DAB1: variants seen among roughly 807,000 people sequenced by gnomAD.
The protein encoded by DAB1 is DAB adaptor protein 1.
In DAB1, 15 loss-of-function variants were observed where a neutral mutation model predicts 64.6. The observed-to-expected ratio is 0.23, with a 90% CI of 0.16 to 0.36. The LOEUF is 0.36. Among genes scored for constraint, DAB1 ranks in the 10% least tolerant of loss-of-function variants. The pLI, the probability that DAB1 is intolerant of heterozygous loss-of-function variation, is 1.00. For synonymous variants in DAB1, 235 were observed against 251.9 expected (o/e 0.93, Z 0.64); for missense variants, 596 against 706.7 (o/e 0.84, Z 1.78).
At chr1:57,658,883 A>G (rs939185565) in intron 6 of DAB1, among the ~76,000 whole-genome samples, 1 of 152,044 alleles carries the variant, frequency 6.6e-6, no homozygotes, top group Non-Finnish European at 1.5e-5. Flanking sequence ...TTTGCTCTTA[A>G]TATTGGTAGA....
intron 2 of DAB1, among the ~76,000 whole-genome samples, chr1:57,265,350 A>T (rs917537728): frequency 1.3e-5 from 2 of 152,288 alleles, no homozygotes; most frequent in South Asian, 2.1e-4. Context: ...GTCAGTTTTC[A>T]TGAGTGACAG....
chr1:57,236,937 T>G (rs1410897784), intron 2 of DAB1, among the ~76,000 whole-genome samples: 1 of 152,170 alleles, frequency 6.6e-6, no homozygotes, highest in Non-Finnish European at 1.5e-5. Flanking sequence ...ACATGTAAAT[T>G]TTAAGCAGTT....
intron 2 of DAB1, among the ~76,000 whole-genome samples, chr1:57,165,666 T>G (rs74074241): frequency 0.042 from 6,461 of 152,300 alleles, 243 homozygotes; most frequent in South Asian, 0.13. Context: ...TCTCAATTTA[T>G]GCAGAGGAGG....
chr1:58,039,071 A>G lies in DAB1; in HGVS notation n.387+111440T>C, dbSNP rs965466721. On this transcript the variant is annotated intron_variant and non_coding_transcript_variant, in intron 5 of 20. Coordinates refer to the DAB1 transcript ENST00000485760. ...TTAACTATGTCTCTTTAGTTTCTGT[A>G]TTTCTGATGCTTTGATGTCTGGGGC... Among the ~76,000 whole-genome samples the G allele has an allele frequency of 2.0e-5, 3 of 152,066 alleles. No individual in the cohort carries two copies. In the East Asian group the frequency reaches 5.8e-4, roughly 29 times the overall value.
intron 2 of DAB1, among the ~76,000 whole-genome samples, chr1:57,226,672 A>AAAATATATATAT (rs747021990): frequency 4.2e-4 from 57 of 135,986 alleles, no homozygotes; most frequent in African/African-American, 1.5e-3. Flanking sequence ...TTAAAAAAAA[A>AAAATATATATAT]ATATATATAT....
intron 3 of DAB1, among the ~76,000 whole-genome samples, chr1:58,496,769 A>G (rs577996256): frequency 1.3e-5 from 2 of 152,200 alleles, no homozygotes; most frequent in Admixed American, 1.3e-4. Context: ...GAATAAGATA[A>G]AAGTGTCTGC....
At chr1:57,785,769 T>A (rs1650309587) in intron 6 of DAB1, among the ~76,000 whole-genome samples, 1 of 152,214 alleles carries the variant, frequency 6.6e-6, no homozygotes, top group Non-Finnish European at 1.5e-5. Context: ...CTGGTGAAGA[T>A]GCTGTGAACA....
chr1:57,576,091 T>C (rs150178297), intron 7 of DAB1, among the ~76,000 whole-genome samples: 4 of 152,378 alleles, frequency 2.6e-5, no homozygotes, highest in African/African-American at 9.6e-5. Flanking sequence ...GCACATTCAG[T>C]AGAAATCGTA....
chr1:57,156,458 C>T (rs1251796835), intron 2 of DAB1, among the ~76,000 whole-genome samples: 6 of 152,102 alleles, frequency 3.9e-5, no homozygotes, highest in Admixed American at 2.0e-4. Context: ...CTGAACCTAG[C>T]GTGATGCCAG....
chr1:58,125,418 T>A (rs1031910850), intron 5 of DAB1, among the ~76,000 whole-genome samples: 2 of 151,816 alleles, frequency 1.3e-5, no homozygotes, highest in African/African-American at 4.8e-5. Flanking sequence ...ATAATAGTCA[T>A]AATACTTACA....
chr1:57,060,669 T>C (rs1273198947), intron 9 of DAB1, among the ~76,000 whole-genome samples: 3 of 151,898 alleles, frequency 2.0e-5, no homozygotes, highest in African/African-American at 7.3e-5. Context: ...AACACAAAGC[T>C]TGAAGTAAAG....
At chr1:57,826,299 T>C (rs1016031558) in exon 2 of DAB1, 11 of 152,200 alleles carry the variant, frequency 7.2e-5, no homozygotes, top group African/African-American at 2.7e-4. Flanking sequence ...TCACATGCAA[T>C]GATGAGCAGG....
intron 4 of DAB1, among the ~76,000 whole-genome samples, chr1:58,327,382 G>A (rs1662858588): frequency 6.6e-6 from 1 of 152,100 alleles, no homozygotes; most frequent in South Asian, 2.1e-4. Context: ...AGAACTGTCA[G>A]GCCCAGCCCA....
chr1:58,466,320 A>G (rs1238148283), intron 3 of DAB1, among the ~76,000 whole-genome samples: 1 of 151,222 alleles, frequency 6.6e-6, no homozygotes, highest in Admixed American at 6.6e-5. Context: ...TCAGGTCTGC[A>G]TCATGGACTT....
rs370786939 is a variant in DAB1, at chr1:57,711,340, T to G, written n.552-61675A>C. Among the ~76,000 whole-genome samples the G allele has an allele frequency of 9.2e-5, 14 of 152,374 alleles. No individual in the cohort carries two copies. The East Asian group carries it at 2.1e-3, about 23-fold the overall frequency. On this transcript the variant is annotated intron_variant and non_coding_transcript_variant, in intron 6 of 20. Transcript: ENST00000485760. ...AGGATTTATCTCACTGCCATTATTT[T>G]GCAAAGGTGGTTTCAATCCCTCCCT...
At chr1:57,036,408 G>T (rs905618608) in intron 9 of DAB1, among the ~76,000 whole-genome samples, 8 of 152,176 alleles carry the variant, frequency 5.3e-5, no homozygotes, top group African/African-American at 1.9e-4. Flanking sequence ...TCTCAGAGCT[G>T]CTCTCTTACA....
intron 5 of DAB1, among the ~76,000 whole-genome samples, chr1:57,918,007 G>T (rs1644752421): frequency 6.6e-6 from 1 of 152,066 alleles, no homozygotes; most frequent in Admixed American, 6.5e-5. Context: ...GGCAGAGGTT[G>T]CAGTGAGCTG....
intron 7 of DAB1, among the ~76,000 whole-genome samples, chr1:57,454,206 C>T (rs1313394355): frequency 1.3e-5 from 2 of 151,550 alleles, no homozygotes; most frequent in Non-Finnish European, 2.9e-5. Flanking sequence ...TCTCAACCAT[C>T]TTGAAAGGGG....
chr1:58,473,353 T>TAAC (rs1645382536), intron 3 of DAB1, among the ~76,000 whole-genome samples: 1 of 151,240 alleles, frequency 6.6e-6, no homozygotes, highest in Non-Finnish European at 1.5e-5. Context: ...CCATCCTGGC[T>TAAC]AACAAGGTGA....
Sources: allele counts gnomAD v4.1 joint callset (sites outside exome capture counted in the v4.1 genomes callset), GRCh38; gene constraint gnomAD v4.1.1; transcripts MANE v1.5; gene names NCBI Gene and HGNC (gene_info 2026-07-23, HGNC 2026-07-21).